DAPK1: variants seen among roughly 807,000 people sequenced by gnomAD.
The protein encoded by DAPK1 is death associated protein kinase 1, also known as death-associated protein kinase 1.
A neutral mutation model predicts 144.9 loss-of-function variants in DAPK1; 56 were observed. The observed-to-expected ratio is 0.39, with a 90% confidence interval of 0.31 to 0.48. The LOEUF (loss-of-function observed/expected upper bound fraction) is 0.48, where lower values mean the gene tolerates loss of function less well. Among genes scored for constraint, DAPK1 ranks in the 20% least tolerant of loss-of-function variants. DAPK1 has a pLI of 0.95. For missense variants in DAPK1, 1,454 were observed against 1,875.4 expected, an observed-to-expected ratio of 0.78 and a Z score of 4.15; for synonymous variants, 690 against 749.0, an observed-to-expected ratio of 0.92 and a Z score of 1.29.
rs532365312 is a variant in DAPK1, at chr9:87,691,902, AT to A, written c.2414-5104del. Among the ~76,000 whole-genome samples the A allele has an allele frequency of 2.4e-3, 372 of 152,188 alleles. 2 individuals are homozygous for A. The highest frequency in any genetic ancestry group is 8.4e-3 in the African/African-American group (348 of 41,556). ...GTTGAGACTTTTCATGTGTCCTGAT[AT>A]ATGTTCTATCCTGGAGAATGTTCTG... On this transcript the variant is annotated intron_variant, in intron 21 of 25. Coordinates refer to ENST00000408954, the MANE Select transcript of DAPK1 (RefSeq NM_004938.4).
chr9:87,516,753 A>C (rs1052126470), intron 2 of DAPK1, among the ~76,000 whole-genome samples: 5 of 151,988 alleles, frequency 3.3e-5, no homozygotes, highest in African/African-American at 1.2e-4. Flanking sequence ...GTATGTAGGC[A>C]CCCTGCGATT....
chr9:87,541,261 T>C (rs1826040210), intron 2 of DAPK1, among the ~76,000 whole-genome samples: 1 of 151,948 alleles, frequency 6.6e-6, no homozygotes, highest in African/African-American at 2.4e-5. Flanking sequence ...TAAAGAATGA[T>C]GGAGGGCCTG....
chr9:87,604,226 C>T (rs1376621959), intron 2 of DAPK1, among the ~76,000 whole-genome samples: 2 of 152,140 alleles, frequency 1.3e-5, no homozygotes, highest in African/African-American at 4.8e-5. Context: ...GCCTGTGTCT[C>T]TGCATCCTCT....
intron 2 of DAPK1, among the ~76,000 whole-genome samples, chr9:87,595,183 G>A (rs11141906): frequency 0.016 from 2,364 of 152,298 alleles, 40 homozygotes; most frequent in South Asian, 0.043. Context: ...TGTAAGGAAG[G>A]AAAAAGGTTT....
intron 2 of DAPK1, among the ~76,000 whole-genome samples, chr9:87,559,321 T>TAGGGC (rs1826826273): frequency 6.6e-6 from 1 of 151,734 alleles, no homozygotes; most frequent in South Asian, 2.1e-4. Context: ...TAGGGTAGGG[T>TAGGGC]AGGGCAGGGC....
chr9:87,670,165 C>T (rs1231093506), intron 19 of DAPK1, among the ~76,000 whole-genome samples: 2 of 152,048 alleles, frequency 1.3e-5, no homozygotes, highest in Non-Finnish European at 2.9e-5. Flanking sequence ...GAAACCTTTT[C>T]GTTTACAGGC....
At chr9:87,618,049 C>T (rs1472285272) in intron 3 of DAPK1, among the ~76,000 whole-genome samples, 1 of 152,226 alleles carries the variant, frequency 6.6e-6, no homozygotes, top group Non-Finnish European at 1.5e-5. Context: ...GGCCCTGGCC[C>T]AGAATCTCAA....
chr9:87,623,142 A>G (rs1183911850), intron 3 of DAPK1, among the ~76,000 whole-genome samples: 2 of 152,140 alleles, frequency 1.3e-5, no homozygotes, highest in Non-Finnish European at 2.9e-5. Flanking sequence ...CACCTTCTTA[A>G]CAGCTGAGTA....
At chr9:87,603,375 G>A (rs538850213) in intron 2 of DAPK1, among the ~76,000 whole-genome samples, 10 of 152,120 alleles carry the variant, frequency 6.6e-5, no homozygotes, top group South Asian at 2.1e-4. Context: ...ACAGGCAGTC[G>A]GTGCTGGCAT....
intron 19 of DAPK1, among the ~76,000 whole-genome samples, chr9:87,670,108 T>G (rs1831205940): frequency 6.6e-6 from 1 of 152,116 alleles, no homozygotes; most frequent in African/African-American, 2.4e-5. Flanking sequence ...TCTGTACCAT[T>G]ATGGACTGTG....
chr9:87,599,924 T>C (rs1783836187), intron 2 of DAPK1, among the ~76,000 whole-genome samples: 1 of 152,214 alleles, frequency 6.6e-6, no homozygotes, highest in Non-Finnish European at 1.5e-5. Flanking sequence ...ATGTGATTCA[T>C]TAACATTGAA....
At chr9:87,550,034 G>C (rs1262536838) in intron 2 of DAPK1, among the ~76,000 whole-genome samples, 1 of 152,180 alleles carries the variant, frequency 6.6e-6, no homozygotes, top group Admixed American at 6.5e-5. Flanking sequence ...GTCGGGTAAA[G>C]TTTATATGTA....
chr9:87,590,369 C>CAAAAAAAAAAAAAAAAAAAAAAAA (rs200588801), intron 2 of DAPK1, among the ~76,000 whole-genome samples: 10 of 85,716 alleles, frequency 1.2e-4, no homozygotes, highest in African/African-American at 3.6e-4. Context: ...TCATTGGCCT[C>CAAAAAAAAAAAAAAAAAAAAAAAA]AAAAAAAAAA....
chr9:87,631,073 C>T (rs1437131415), intron 3 of DAPK1, among the ~76,000 whole-genome samples: 2 of 152,146 alleles, frequency 1.3e-5, no homozygotes, highest in African/African-American at 4.8e-5. Context: ...CCTCCCAGGG[C>T]TTTGTGACCT....
intron 20 of DAPK1, among the ~76,000 whole-genome samples, chr9:87,685,464 G>T (rs1002847886): frequency 1.2e-4 from 18 of 152,288 alleles, no homozygotes; most frequent in South Asian, 6.2e-4. Flanking sequence ...TAAACCAATG[G>T]TACTGCAGTT....
At chr9:87,546,662 G>A (rs145394213) in intron 2 of DAPK1, among the ~76,000 whole-genome samples, 1 of 152,278 alleles carries the variant, frequency 6.6e-6, no homozygotes. Context: ...TTGGCTTTGG[G>A]TGACAAGACG....
intron 2 of DAPK1, among the ~76,000 whole-genome samples, chr9:87,597,795 A>G (rs1828374047): frequency 6.6e-6 from 1 of 152,054 alleles, no homozygotes; most frequent in Non-Finnish European, 1.5e-5. Context: ...AGAAATACGA[A>G]GTAGGCTCTT....
intron 2 of DAPK1, among the ~76,000 whole-genome samples, chr9:87,533,131 C>T (rs565694313): frequency 1.4e-4 from 21 of 152,292 alleles, no homozygotes; most frequent in African/African-American, 5.1e-4. Context: ...TATGCACACA[C>T]ACACATTGTA....
chr9:87,658,179 G>A (rs759149292), intron 18 of DAPK1, 52 bp downstream of exon 18: 15 of 736,142 alleles, frequency 2.0e-5, no homozygotes, highest in South Asian at 6.3e-5. Flanking sequence ...AGCCTCTGGC[G>A]CCTCCAGGGC....
Sources: allele counts gnomAD v4.1 joint callset (sites outside exome capture counted in the v4.1 genomes callset), GRCh38; gene constraint gnomAD v4.1.1; transcripts MANE v1.5; gene names NCBI Gene and HGNC (gene_info 2026-07-23, HGNC 2026-07-21).